NEB: variants seen among roughly 807,000 people sequenced by gnomAD.
NEB encodes nemaline myopathy type 2.
NEB carries 512 observed loss-of-function variants against 952.2 expected under a neutral mutation model. The observed-to-expected ratio is 0.54, with a 90% CI of 0.50 to 0.58. The LOEUF (loss-of-function observed/expected upper bound fraction) is 0.58, where lower values mean the gene tolerates loss of function less well. NEB is among the 20% of genes least tolerant of loss of function. The pLI is 0.00. For synonymous variants in NEB, 2,900 were observed against 3,149.8 expected (o/e 0.92, Z 2.66); for missense variants, 8,428 against 9,231.1 (o/e 0.91, Z 3.56).
intron 166 of NEB, 22 bp downstream of exon 166, chr2:151,503,327 T>G: frequency 6.5e-7 from 1 of 1,531,660 alleles, no homozygotes; most frequent in Non-Finnish European, 9.0e-7. Context: ...AATAGTTTCT[T>G]ATATGATATA....
chr2:151,733,186 C>T lies in NEB; in HGVS notation c.-29-1G>A. On this transcript the variant is annotated splice_acceptor_variant, in intron 2 of 181. Coordinates refer to ENST00000397345, the MANE Select transcript of NEB (RefSeq NM_001164508.2). LOFTEE classifies it low-confidence loss of function (5UTR_SPLICE). Reference sequence around the variant, plus strand: ...CCAGAGTAGTAGTGGCACCTACAAACTTTTCATATTCCATACAAATGAAAA... The same window carrying T: ...CCAGAGTAGTAGTGGCACCTACAAATTTTTCATATTCCATACAAATGAAAA... 6.3e-7 allele frequency: 1 copy of T among 1,589,352 alleles called. No homozygotes were observed. Among genetic ancestry groups the T allele is most frequent in the Non-Finnish European group, 8.6e-7 (1 of 1,165,650 alleles).
Position 151,617,469 on chromosome 2 carries a change from CT to C in NEB, c.11077-2del. On this transcript the variant is annotated splice_acceptor_variant, in intron 74 of 181. Transcript: ENST00000397345. LOFTEE classifies it high-confidence loss of function. ...TGTCCCAGGCTTCAGTATATAAGCG[CT>C]ACAAAAAAAAAAAAAAAAGAGAGAG... 2 of 1,203,420 alleles carry C rather than the reference CT, an allele frequency of 1.7e-6. No individual in the cohort carries two copies. The highest frequency in any genetic ancestry group is 2.2e-6 in the Non-Finnish European group (2 of 916,608). The allele number at this position is 1,203,420 out of a possible 1,614,324, so 74.5% of individuals were successfully genotyped here.
Position 151,662,252 on chromosome 2 carries a change from G to A in NEB, c.5853C>T (p.Ala1951=). 1 of 1,613,576 alleles carries A rather than the reference G, an allele frequency of 6.2e-7. No homozygotes were observed. Among genetic ancestry groups the A allele is most frequent in the African/African-American group, 1.3e-5 (1 of 74,986 alleles). ...GSLEAEKNKK[A]MEIISEKKYR... ...ACTTCTTTTCACTAATAATCTCCAT[G>A]GCTTTCTTGTTTTTCTCTGCTTCCA... is the stretch of plus-strand genomic sequence containing the variant. The change falls in exon 46 of 182, where the codon GCC becomes GCT. Residue 1951 remains alanine, a synonymous_variant. Coordinates refer to ENST00000397345, the MANE Select transcript of NEB (RefSeq NM_001164508.2).
At chr2:151,581,412 T>C in intron 103 of NEB, 71 bp downstream of exon 103, 2 of 443,882 alleles carry the variant, frequency 4.5e-6, no homozygotes, top group Non-Finnish European at 3.9e-6. Context: ...CAAACTCTCT[T>C]TGGGGTGTAT....
At chr2:151,715,115 G>T (rs1027975848) in intron 10 of NEB, among the ~76,000 whole-genome samples, 1 of 152,194 alleles carries the variant, frequency 6.6e-6, no homozygotes, top group African/African-American at 2.4e-5. Context: ...GCCAGTTCTG[G>T]CAATGCTTTC....
At chr2:151,657,908 G>T in intron 48 of NEB, 75 bp downstream of exon 48, 1 of 1,014,368 alleles carries the variant, frequency 9.9e-7, no homozygotes, top group Non-Finnish European at 1.5e-6. Flanking sequence ...TCCACTCAGT[G>T]TTTCCAGAAC....
chr2:151,694,820 T>C (rs1453054258), intron 18 of NEB, among the ~76,000 whole-genome samples, 191 bp from the exon 19 acceptor site: 2 of 152,232 alleles, frequency 1.3e-5, no homozygotes, highest in Non-Finnish European at 2.9e-5. Context: ...ATTGGGCTTC[T>C]CTACTCCCCA....
chr2:151,489,251 ATAT>A (rs1040182049), intron 181 of NEB, among the ~76,000 whole-genome samples: 5 of 152,182 alleles, frequency 3.3e-5, no homozygotes, highest in Non-Finnish European at 7.3e-5. Context: ...GCTTTTGAGG[ATAT>A]TATGAATGAG....
At chr2:151,576,610 C>G (rs2096873792) in intron 105 of NEB, among the ~76,000 whole-genome samples, 1 of 135,940 alleles carries the variant, frequency 7.4e-6, no homozygotes, top group African/African-American at 2.8e-5. Context: ...CAGCTCACTA[C>G]AAACTCCCCT....
chr2:151,669,601 C>T (rs1195254293), intron 38 of NEB, among the ~76,000 whole-genome samples: 4 of 151,890 alleles, frequency 2.6e-5, no homozygotes, highest in Non-Finnish European at 4.4e-5. Context: ...GGCCTGGCCA[C>T]CTTGAGGAAA....
rs1463389922 is a variant in NEB at position 151,734,381 on chromosome 2, T to C, written c.-114+17A>G. 3 of 152,112 alleles carry C rather than the reference T, an allele frequency of 2.0e-5. No individual in the cohort carries two copies. Among genetic ancestry groups the C allele is most frequent in the African/African-American group, 7.2e-5 (3 of 41,420 alleles). The allele number at this position is 152,112 out of a possible 1,614,324, so 9.4% of individuals were successfully genotyped here. A position where few individuals can be genotyped will look rare whatever the true frequency, so the allele number is the denominator to read the frequency against. On this transcript the variant is annotated intron_variant, in intron 1 of 181. Transcript: ENST00000397345. ...TCCTGAAAGAGTATTACAGAAAAAG[T>C]CATAAACTGGCCTTACCTTCAATCT...
rs762848160 is a variant in NEB at position 151,541,663 on chromosome 2, C to T, written c.20578-112G>A. The T allele has an allele frequency of 6.5e-6, 5 of 766,482 alleles. No homozygotes were observed. The Admixed American group carries it at 6.5e-5, about 10-fold the overall frequency. The allele number at this position is 766,482 out of a possible 1,614,324, so 47.5% of individuals were successfully genotyped here. A position where few individuals can be genotyped will look rare whatever the true frequency, so the allele number is the denominator to read the frequency against. ...AAAGGCAGGAGCCCTCCCACTGCAA[C>T]GATTGCAGTTTCTTCCCAATAAACC... On this transcript the variant is annotated intron_variant, in intron 135 of 181. Transcript: ENST00000397345.
intron 157 of NEB, 67 bp downstream of exon 157, chr2:151,516,392 C>T: frequency 8.9e-7 from 1 of 1,122,686 alleles, no homozygotes. Context: ...CTGGCCATGT[C>T]ATGGGCAGAG....
Position 151,666,405 on chromosome 2 carries a change from T to A in NEB, c.4720-4A>T, listed in dbSNP as rs753231552. On this transcript the variant is annotated splice_region_variant and splice_polypyrimidine_tract_variant and intron_variant, in intron 40 of 181. Coordinates refer to ENST00000397345, the MANE Select transcript of NEB (RefSeq NM_001164508.2). ...CGTAGGCCTCCTTATATTTGCACTA[T>A]TTGAAAACAAAGGGCAAACAGAAGT... is the stretch of plus-strand genomic sequence containing the variant. 7.5e-6 allele frequency: 12 copies of A among 1,609,620 alleles called. No individual in the cohort carries two copies. Among genetic ancestry groups the A allele is most frequent in the Non-Finnish European group, 1.0e-5 (12 of 1,177,262 alleles).
chr2:151,500,562 G>C (rs930010526), intron 168 of NEB, among the ~76,000 whole-genome samples: 9 of 143,820 alleles, frequency 6.3e-5, no homozygotes. Context: ...GGCTTGTTTT[G>C]AATAAGTATC....
intron 29 of NEB, 50 bp from the exon 30 acceptor site, chr2:151,680,878 T>G: frequency 7.3e-7 from 1 of 1,361,034 alleles, no homozygotes; most frequent in South Asian, 1.2e-5. Context: ...CCACTGAAGA[T>G]TAATACGTCA....
At chr2:151,711,664 A>G (rs2150101245) in intron 10 of NEB, among the ~76,000 whole-genome samples, 1 of 152,264 alleles carries the variant, frequency 6.6e-6, no homozygotes, top group East Asian at 1.9e-4. Context: ...ACCAAATATG[A>G]TTGTTTTCTC....
intron 25 of NEB, 116 bp from the exon 26 acceptor site, chr2:151,687,849 T>C (rs2099515034): frequency 2.1e-6 from 2 of 968,068 alleles, no homozygotes; most frequent in East Asian, 5.2e-5. Flanking sequence ...ATAAAAACTA[T>C]ATTTATCAAA....
rs767537710 is a variant in NEB, at chr2:151,554,031, A to C, written c.19429-6T>G. On this transcript the variant is annotated splice_region_variant and splice_polypyrimidine_tract_variant and intron_variant, in intron 125 of 181. Coordinates refer to ENST00000397345, the MANE Select transcript of NEB (RefSeq NM_001164508.2). ...TAAACTGATCTGTACAGGCGCTGTA[A>C]AGTTAAAATCACATGCCAGTTATAC... The C allele has an allele frequency of 6.2e-7, 1 of 1,613,230 alleles. No individual in the cohort carries two copies.
Sources: allele counts gnomAD v4.1 joint callset (sites outside exome capture counted in the v4.1 genomes callset), GRCh38; gene constraint gnomAD v4.1.1; transcripts MANE v1.5; gene names NCBI Gene and HGNC (gene_info 2026-07-23, HGNC 2026-07-21).